TYW1: variants seen among roughly 807,000 people sequenced by gnomAD.
TYW1 encodes tRNA-yW synthesizing protein 1 homolog.
TYW1 carries 46 observed loss-of-function variants against 96.2 expected under a neutral mutation model. The observed-to-expected ratio is 0.48, with a 90% CI of 0.38 to 0.61. The LOEUF is 0.61. TYW1 is among the 20% of genes least tolerant of loss of function. The probability of loss-of-function intolerance (pLI) is 0.00; values close to 1 mark genes in which losing one functional copy is unlikely to be tolerated. For missense variants in TYW1, 684 were observed against 909.6 expected (o/e 0.75, Z 3.19); for synonymous variants, 274 against 323.0 (o/e 0.85, Z 1.63).
chr7:67,044,922 G>A (rs879926093), intron 7 of TYW1, among the ~76,000 whole-genome samples: 14 of 151,912 alleles, frequency 9.2e-5, no homozygotes, highest in Non-Finnish European at 2.1e-4. Flanking sequence ...ACCCGGCCAA[G>A]CCAACCTTTT....
At chr7:67,088,298 A>G (rs1394465739) in intron 11 of TYW1, among the ~76,000 whole-genome samples, 3 of 152,138 alleles carry the variant, frequency 2.0e-5, no homozygotes, top group African/African-American at 7.2e-5. Flanking sequence ...TTGAAAATCC[A>G]TCTTATTGCT....
At chr7:67,013,208 T>C (rs950625445) in intron 4 of TYW1, among the ~76,000 whole-genome samples, 1 of 151,866 alleles carries the variant, frequency 6.6e-6, no homozygotes, top group African/African-American at 2.4e-5. Flanking sequence ...CTGCAGCCTC[T>C]GCCTCCTGGG....
intron 13 of TYW1, among the ~76,000 whole-genome samples, chr7:67,161,858 G>A (rs1799172048): frequency 6.6e-6 from 1 of 151,986 alleles, no homozygotes; most frequent in African/African-American, 2.4e-5. Context: ...TGTACCCCCA[G>A]GCATATCTTG....
At chr7:67,152,149 C>A (rs1197198507) in intron 13 of TYW1, among the ~76,000 whole-genome samples, 1 of 152,084 alleles carries the variant, frequency 6.6e-6, no homozygotes, top group Non-Finnish European at 1.5e-5. Flanking sequence ...TGGTGCTTTC[C>A]TGCCACACTG....
At chr7:67,105,710 A>G (rs1205004659) in intron 12 of TYW1, among the ~76,000 whole-genome samples, 1 of 152,152 alleles carries the variant, frequency 6.6e-6, no homozygotes, top group Non-Finnish European at 1.5e-5. Flanking sequence ...TAGCAGAGAA[A>G]TTCCTGTCAC....
At chr7:67,176,863 C>T (rs1300019175) in intron 13 of TYW1, among the ~76,000 whole-genome samples, 5 of 151,900 alleles carry the variant, frequency 3.3e-5, no homozygotes, top group African/African-American at 1.2e-4. Flanking sequence ...CTGTCCCGTG[C>T]ATTGTAGGAT....
chr7:67,199,873 G>A (rs1237821302), intron 15 of TYW1, among the ~76,000 whole-genome samples: 1 of 151,976 alleles, frequency 6.6e-6, no homozygotes, highest in East Asian at 1.9e-4. Context: ...AAGGATTCCA[G>A]CCTGGGCGAC....
At chr7:67,148,515 C>A (rs1358220621) in intron 13 of TYW1, among the ~76,000 whole-genome samples, 1 of 150,280 alleles carries the variant, frequency 6.7e-6, no homozygotes, top group Non-Finnish European at 1.5e-5. Context: ...AAGCTCCGCC[C>A]CCCGGGTTCA....
At chr7:67,041,381 G>T (rs1795014341) in intron 7 of TYW1, among the ~76,000 whole-genome samples, 1 of 151,868 alleles carries the variant, frequency 6.6e-6, no homozygotes, top group South Asian at 2.1e-4. Context: ...TCATCTCATG[G>T]CAGCCCCCGC....
At chr7:67,062,575 A>AAAAAAAAAAAG (rs1447932128) in intron 9 of TYW1, among the ~76,000 whole-genome samples, 2 of 150,954 alleles carry the variant, frequency 1.3e-5, no homozygotes, top group African/African-American at 4.9e-5. Flanking sequence ...TCAAAAAAAA[A>AAAAAAAAAAAG]AAAAAAGAAA....
chr7:67,142,568 A>G (rs1396103879), intron 13 of TYW1, among the ~76,000 whole-genome samples: 3 of 152,006 alleles, frequency 2.0e-5, no homozygotes, highest in Non-Finnish European at 2.9e-5. Context: ...AGCTGGGACT[A>G]CAGGCACAAG....
At chr7:67,088,821 C>T (rs1440913489) in intron 11 of TYW1, among the ~76,000 whole-genome samples, 1 of 152,220 alleles carries the variant, frequency 6.6e-6, no homozygotes, top group African/African-American at 2.4e-5. Flanking sequence ...CCTTCAGTCT[C>T]AGTCTCCCAA....
intron 6 of TYW1, among the ~76,000 whole-genome samples, chr7:67,019,996 ATTCC>A (rs1794187625): frequency 6.6e-6 from 1 of 152,274 alleles, no homozygotes; most frequent in African/African-American, 2.4e-5. Flanking sequence ...CAGATGTTTC[ATTCC>A]AATTTCATTT....
intron 13 of TYW1, among the ~76,000 whole-genome samples, chr7:67,126,454 T>A (rs1421564945): frequency 1.3e-5 from 2 of 152,214 alleles, no homozygotes; most frequent in Non-Finnish European, 2.9e-5. Flanking sequence ...GGCAGTGTCT[T>A]CTGCAGAGCA....
chr7:67,013,410 A>C (rs1793885985), intron 4 of TYW1, among the ~76,000 whole-genome samples: 1 of 152,124 alleles, frequency 6.6e-6, no homozygotes, highest in South Asian at 2.1e-4. Context: ...GGTATGAGCC[A>C]CTGGGCCCAG....
At chr7:67,170,769 G>C (rs549361388) in intron 13 of TYW1, among the ~76,000 whole-genome samples, 9 of 152,102 alleles carry the variant, frequency 5.9e-5, no homozygotes, top group Non-Finnish European at 1.0e-4. Flanking sequence ...TACGTGACTT[G>C]CTTTCATTCC....
chr7:67,205,891 C>A (rs2949114), intron 15 of TYW1, among the ~76,000 whole-genome samples: 1 of 151,936 alleles, frequency 6.6e-6, no homozygotes, highest in Non-Finnish European at 1.5e-5. Flanking sequence ...CTCAAGAAAG[C>A]CACCACCATG....
chr7:67,115,605 T>C (rs1301122310), intron 12 of TYW1, among the ~76,000 whole-genome samples: 1 of 152,152 alleles, frequency 6.6e-6, no homozygotes, highest in Non-Finnish European at 1.5e-5. Context: ...CTGTTTGGCC[T>C]ATATTCCCTT....
intron 1 of TYW1, 84 bp from the exon 2 acceptor site, chr7:66,997,981 G>T: frequency 6.8e-7 from 1 of 1,462,900 alleles, no homozygotes; most frequent in Non-Finnish European, 9.1e-7. Context: ...ATGTAAGGTT[G>T]GTTTTATTTT....
Sources: allele counts gnomAD v4.1 joint callset (sites outside exome capture counted in the v4.1 genomes callset), GRCh38; gene constraint gnomAD v4.1.1; transcripts MANE v1.5; gene names NCBI Gene and HGNC (gene_info 2026-07-23, HGNC 2026-07-21).